The following FAT3 variants were observed in gnomAD, a reference collection of about 807,000 sequenced individuals.
The protein encoded by FAT3 is FAT atypical cadherin 3.
In FAT3, 95 loss-of-function variants were observed where a neutral mutation model predicts 310.2. The observed-to-expected ratio is 0.31, with a 90% confidence interval of 0.26 to 0.36. The LOEUF (loss-of-function observed/expected upper bound fraction) is 0.36, where lower values mean the gene tolerates loss of function less well. FAT3 is among the 10% of genes least tolerant of loss of function. FAT3 has a pLI of 1.00. For missense variants in FAT3, 5,408 were observed against 5,715.6 expected (o/e 0.95, Z 1.74); for synonymous variants, 2,314 against 2,192.9 (o/e 1.06, Z -1.54).
At chr11:92,237,328 T>C (rs1864472300) in intron 1 of FAT3, among the ~76,000 whole-genome samples, 1 of 152,176 alleles carries the variant, frequency 6.6e-6, no homozygotes, top group Non-Finnish European at 1.5e-5. Flanking sequence ...GTATGATCGA[T>C]GTTACCATTC....
intron 4 of FAT3, among the ~76,000 whole-genome samples, chr11:92,715,764 G>A (rs903726313): frequency 6.6e-6 from 1 of 152,094 alleles, no homozygotes; most frequent in Middle Eastern, 3.4e-3. Context: ...TATCAGGGAG[G>A]ACTTCACAGA....
rs145526622 is a variant in FAT3, at chr11:92,639,889, C to T, written c.3608-57495C>T. ...ATATAATCACCTTACAGGAAAGGGC[C>T]GGAGCTACATTGGTTCATGAGTTTG... is the stretch of plus-strand genomic sequence containing the variant. On this transcript the variant is annotated intron_variant, in intron 3 of 27. Transcript: ENST00000525166. Among the ~76,000 whole-genome samples, 7 of 152,200 alleles carry T rather than the reference C, an allele frequency of 4.6e-5. No individual in the cohort carries two copies. The East Asian group carries it at 9.7e-4, about 21-fold the overall frequency.
chr11:92,321,389 AT>A (rs1947613357), intron 1 of FAT3, among the ~76,000 whole-genome samples: 1 of 151,756 alleles, frequency 6.6e-6, no homozygotes, highest in African/African-American at 2.4e-5. Flanking sequence ...GTGAGCCGAG[AT>A]CGCGCCACTG....
At chr11:92,796,907 A>G (rs1947190397) in intron 9 of FAT3, among the ~76,000 whole-genome samples, 1 of 152,220 alleles carries the variant, frequency 6.6e-6, no homozygotes, top group Admixed American at 6.5e-5. Flanking sequence ...TGTCATGGCC[A>G]GAGCCCTTCC....
chr11:92,378,461 G>A (rs1233846403), intron 2 of FAT3, among the ~76,000 whole-genome samples: 1 of 152,088 alleles, frequency 6.6e-6, no homozygotes, highest in African/African-American at 2.4e-5. Flanking sequence ...TCTTCAGCAG[G>A]TGCTATCTCT....
At chr11:92,634,369 G>C (rs781115277) in intron 3 of FAT3, among the ~76,000 whole-genome samples, 1 of 152,118 alleles carries the variant, frequency 6.6e-6, no homozygotes, top group Non-Finnish European at 1.5e-5. Context: ...GAGTTTCCCA[G>C]TGTTGTAGCT....
chr11:92,845,350 G>A (rs1435054592), intron 19 of FAT3, among the ~76,000 whole-genome samples: 1 of 152,236 alleles, frequency 6.6e-6, no homozygotes, highest in Admixed American at 6.5e-5. Flanking sequence ...TGATTGCAGA[G>A]GGGAATGGAT....
chr11:92,555,533 A>G (rs1020879981), intron 3 of FAT3, among the ~76,000 whole-genome samples: 2 of 152,172 alleles, frequency 1.3e-5, no homozygotes, highest in Admixed American at 1.3e-4. Flanking sequence ...TGGTTTGTTC[A>G]TTCAGGTGTG....
In FAT3 at chr11:92,844,171, G is replaced by T; in HGVS notation, c.10804G>T (p.Asp3602Tyr). ...QKSLFKVNSHDGKIIALGGLD... is the reference protein window; with the variant it reads ...QKSLFKVNSHYGKIIALGGLD... ...AAGCTTATTTAAAGTGAACAGTCAC[G>T]ATGGGAAAATCATCGCCCTGGGAGG... Residue 3602 changes from aspartate to tyrosine, a missense_variant, in exon 19 of 28, where the codon GAT becomes TAT. This residue lies in a region of FAT3 where 4,588 missense variants were observed against 4,809.8 expected (regional missense o/e 0.95). Transcript: ENST00000525166. 6.2e-7 allele frequency: 1 copy of T among 1,614,018 alleles called. No homozygotes were observed. The highest frequency in any genetic ancestry group is 8.5e-7 in the Non-Finnish European group (1 of 1,179,888).
intron 12 of FAT3, among the ~76,000 whole-genome samples, chr11:92,809,157 A>C (rs866640013): frequency 2.6e-5 from 4 of 152,178 alleles, no homozygotes; most frequent in Non-Finnish European, 5.9e-5. Flanking sequence ...TCCAGTGGTT[A>C]AAATATAGAC....
chr11:92,444,165 G>C (rs1392598111), intron 2 of FAT3, among the ~76,000 whole-genome samples: 1 of 152,076 alleles, frequency 6.6e-6, no homozygotes, highest in Non-Finnish European at 1.5e-5. Flanking sequence ...TATAAACCTG[G>C]GGAGGGGTGG....
chr11:92,244,814 T>A (rs888073647), intron 1 of FAT3, among the ~76,000 whole-genome samples: 1 of 152,122 alleles, frequency 6.6e-6, no homozygotes, highest in African/African-American at 2.4e-5. Context: ...CCAGTTAGAA[T>A]AGCGATCATT....
chr11:92,712,709 G>A (rs1250334171), intron 4 of FAT3, among the ~76,000 whole-genome samples: 1 of 152,154 alleles, frequency 6.6e-6, no homozygotes, highest in African/African-American at 2.4e-5. Flanking sequence ...TAGCTATCTA[G>A]GCTTTTGCCC....
chr11:92,379,033 A>C (rs752372458), intron 2 of FAT3, among the ~76,000 whole-genome samples: 1 of 152,152 alleles, frequency 6.6e-6, no homozygotes, highest in Non-Finnish European at 1.5e-5. Context: ...ACGTTCAGAC[A>C]ATAGCAGTGT....
At chr11:92,290,763 C>G (rs1358923797) in intron 1 of FAT3, among the ~76,000 whole-genome samples, 1 of 146,120 alleles carries the variant, frequency 6.8e-6, no homozygotes, top group East Asian at 2.0e-4. Context: ...GACTCCATCT[C>G]AAAAAAAAAA....
At chr11:92,747,433 G>A (rs1425066633) in intron 4 of FAT3, among the ~76,000 whole-genome samples, 1 of 152,212 alleles carries the variant, frequency 6.6e-6, no homozygotes. Context: ...CCTGGGCCCA[G>A]CCCACAAAAC....
intron 2 of FAT3, among the ~76,000 whole-genome samples, chr11:92,510,335 T>C (rs1346750848): frequency 1.3e-5 from 2 of 152,148 alleles, no homozygotes; most frequent in African/African-American, 2.4e-5. Flanking sequence ...TATGAATCTA[T>C]ACCATTGTGC....
chr11:92,653,853 C>CT (rs376400173), intron 3 of FAT3, among the ~76,000 whole-genome samples: 4 of 152,130 alleles, frequency 2.6e-5, no homozygotes, highest in African/African-American at 9.7e-5. Context: ...TGTGCTGTCA[C>CT]TAAAGCAGGG....
chr11:92,478,982 C>CTT (rs374056633), intron 2 of FAT3, among the ~76,000 whole-genome samples: 3 of 82,012 alleles, frequency 3.7e-5, no homozygotes, highest in Non-Finnish European at 7.3e-5. Flanking sequence ...CTTTTCTTTT[C>CTT]TTTTCTTTTC....
Sources: gnomAD v4.1 joint callset for allele counts (sites outside exome capture counted in the v4.1 genomes callset) on GRCh38, gnomAD v4.1.1 for gene constraint, gnomAD v4.1.1 regional missense constraint, MANE v1.5 for transcripts, NCBI Gene and HGNC (gene_info 2026-07-23, HGNC 2026-07-21) for gene names.